B3GALT1: variants seen among roughly 807,000 people sequenced by gnomAD.
B3GALT1 encodes UDP-Gal:betaGlcNAc beta 1,3-galactosyltransferase, polypeptide 1.
A neutral mutation model predicts 23.2 loss-of-function variants in B3GALT1; 10 were observed. That is an observed-to-expected ratio of 0.43 (90% CI 0.27 to 0.73). The LOEUF (loss-of-function observed/expected upper bound fraction) is 0.73. Ranked by LOEUF, B3GALT1 falls within the 30% of genes least tolerant of loss-of-function variation. The pLI is 0.21. For synonymous variants in B3GALT1, 156 were observed against 141.5 expected (o/e 1.10, Z -0.73); for missense variants, 299 against 405.4 (o/e 0.74, Z 2.25).
intron 3 of B3GALT1, among the ~76,000 whole-genome samples, chr2:167,785,713 C>G (rs1574261490): frequency 6.6e-6 from 1 of 152,270 alleles, no homozygotes; most frequent in East Asian, 1.9e-4. Flanking sequence ...AGCAGGAGTG[C>G]TTGGATCTAG....
chr2:167,351,271 A>C (rs1429838039), intron 1 of B3GALT1, among the ~76,000 whole-genome samples: 6 of 149,734 alleles, frequency 4.0e-5, no homozygotes, highest in Non-Finnish European at 5.9e-5. Flanking sequence ...TCCGTCTCAA[A>C]AAAAAAAAAA....
At chr2:167,599,290 T>TA (rs1684832938) in intron 2 of B3GALT1, among the ~76,000 whole-genome samples, 1 of 152,220 alleles carries the variant, frequency 6.6e-6, no homozygotes, top group Non-Finnish European at 1.5e-5. Context: ...TGTGACTTTT[T>TA]AGAGTCTGGA....
chr2:167,730,700 ATAT>A (rs1198194647), intron 3 of B3GALT1, among the ~76,000 whole-genome samples: 1 of 152,124 alleles, frequency 6.6e-6, no homozygotes, highest in East Asian at 1.9e-4. Flanking sequence ...CCAATGGCAA[ATAT>A]TATTATTATT....
intron 1 of B3GALT1, among the ~76,000 whole-genome samples, chr2:167,472,498 A>C (rs964355830): frequency 2.0e-5 from 3 of 152,096 alleles, no homozygotes; most frequent in African/African-American, 7.2e-5. Flanking sequence ...AGTCCAGTGG[A>C]TCCATCTTGG....
At chr2:167,300,259 C>G (rs1282618006) in intron 1 of B3GALT1, among the ~76,000 whole-genome samples, 1 of 152,132 alleles carries the variant, frequency 6.6e-6, no homozygotes. Context: ...CTGAAAATTT[C>G]TCCTGATTTT....
chr2:167,581,048 A>C (rs939703631), intron 2 of B3GALT1, among the ~76,000 whole-genome samples: 4 of 152,160 alleles, frequency 2.6e-5, no homozygotes, highest in Non-Finnish European at 1.5e-5. Context: ...TATAAGAAAT[A>C]CCTTATTTAT....
At chr2:167,462,750 C>G (rs972509230) in intron 1 of B3GALT1, among the ~76,000 whole-genome samples, 8 of 152,114 alleles carry the variant, frequency 5.3e-5, no homozygotes, top group African/African-American at 1.9e-4. Context: ...TCTGAAGATT[C>G]TTTCAGTATA....
chr2:167,612,861 T>C (rs1472748763), intron 2 of B3GALT1, among the ~76,000 whole-genome samples: 2 of 152,042 alleles, frequency 1.3e-5, no homozygotes, highest in Non-Finnish European at 2.9e-5. Context: ...TCTATTTTGG[T>C]TCATCTTATT....
chr2:167,480,669 C>G (rs972066507), intron 1 of B3GALT1, among the ~76,000 whole-genome samples: 1 of 152,188 alleles, frequency 6.6e-6, no homozygotes, highest in Non-Finnish European at 1.5e-5. Flanking sequence ...TCTCTTTACC[C>G]AGAGCTGCCT....
intron 1 of B3GALT1, among the ~76,000 whole-genome samples, chr2:167,309,188 G>T (rs1574027174): frequency 6.6e-6 from 1 of 151,984 alleles, no homozygotes; most frequent in East Asian, 1.9e-4. Flanking sequence ...TATATTTGGT[G>T]CTAGATGCTC....
intron 4 of B3GALT1, among the ~76,000 whole-genome samples, chr2:167,829,903 G>A (rs369758798): frequency 1.3e-5 from 2 of 152,206 alleles, no homozygotes; most frequent in Admixed American, 6.5e-5. Flanking sequence ...TGGAGTGGTG[G>A]TCCTTCTGAG....
At chr2:167,818,246 C>T (rs1689036588) in intron 3 of B3GALT1, among the ~76,000 whole-genome samples, 1 of 152,098 alleles carries the variant, frequency 6.6e-6, no homozygotes, top group Non-Finnish European at 1.5e-5. Context: ...TCTGTTTTTC[C>T]CTAAAAATTG....
At chr2:167,543,720 G>C (rs1339547777) in intron 2 of B3GALT1, among the ~76,000 whole-genome samples, 1 of 152,184 alleles carries the variant, frequency 6.6e-6, no homozygotes, top group Admixed American at 6.5e-5. Flanking sequence ...TTTAGTAGGA[G>C]TCAGGAAACT....
At chr2:167,816,907 A>G (rs1159697139) in intron 3 of B3GALT1, among the ~76,000 whole-genome samples, 4 of 152,174 alleles carry the variant, frequency 2.6e-5, no homozygotes, top group African/African-American at 9.7e-5. Flanking sequence ...GCTTACTTAC[A>G]TGGTACACTC....
intron 2 of B3GALT1, among the ~76,000 whole-genome samples, chr2:167,545,192 G>A (rs1160448243): frequency 1.3e-5 from 2 of 151,554 alleles, no homozygotes; most frequent in African/African-American, 2.4e-5. Flanking sequence ...CCGCCACCAC[G>A]CCCGGCTAAT....
At chr2:167,541,804 C>G (rs1039541861) in intron 2 of B3GALT1, among the ~76,000 whole-genome samples, 1 of 152,058 alleles carries the variant, frequency 6.6e-6, no homozygotes, top group Non-Finnish European at 1.5e-5. Context: ...CCTAATTAAC[C>G]TGTTTTGCAT....
At chr2:167,605,244 T>C (rs1177262550) in intron 2 of B3GALT1, among the ~76,000 whole-genome samples, 3 of 152,238 alleles carry the variant, frequency 2.0e-5, no homozygotes, top group African/African-American at 7.2e-5. Context: ...TTGAGCATTC[T>C]TTTGGATAAT....
chr2:167,771,305 G>T (rs1391722310), intron 3 of B3GALT1, among the ~76,000 whole-genome samples: 1 of 152,134 alleles, frequency 6.6e-6, no homozygotes, highest in Non-Finnish European at 1.5e-5. Context: ...AAACAGTCAA[G>T]TAGGCCGTGT....
intron 2 of B3GALT1, among the ~76,000 whole-genome samples, chr2:167,543,310 T>C (rs1256803255): frequency 6.6e-6 from 1 of 152,202 alleles, no homozygotes; most frequent in African/African-American, 2.4e-5. Context: ...AAAGATTATA[T>C]AGATGCTTTC....
Sources: gnomAD v4.1 joint callset for allele counts (sites outside exome capture counted in the v4.1 genomes callset) on GRCh38, gnomAD v4.1.1 for gene constraint, MANE v1.5 for transcripts, NCBI Gene and HGNC (gene_info 2026-07-23, HGNC 2026-07-21) for gene names.